Variants in ISG20 observed in about 807,000 individuals in gnomAD.
The protein encoded by ISG20 is interferon stimulated exonuclease gene 20.
ISG20 carries 8 observed loss-of-function variants against 11.1 expected under a neutral mutation model. That is an observed-to-expected ratio of 0.72 (90% CI 0.42 to 1.30). The LOEUF (loss-of-function observed/expected upper bound fraction) is 1.30, where lower values mean the gene tolerates loss of function less well. Ranked by LOEUF, ISG20 falls within the 50% of genes most tolerant of loss-of-function variation. ISG20 has a pLI of 0.01. For synonymous variants in ISG20, 110 were observed against 101.7 expected, an observed-to-expected ratio of 1.08 and a Z score of -0.49; for missense variants, 243 against 250.2, an observed-to-expected ratio of 0.97 and a Z score of 0.19.
rs533916132 is a variant in ISG20, at chr15:88,639,457, G to A, written c.91G>A (p.Val31Met). Residue 31 changes from valine (V) to methionine (M), a missense_variant, in exon 2 of 4, where the codon GTG becomes ATG. Val to Met is a conservative substitution (Grantham distance 21). Coordinates refer to ENST00000306072, the MANE Select transcript of ISG20 (RefSeq NM_002201.6). This position sits in a 1 kb window ranked among gnomAD's most constrained non-coding sequence, Gnocchi z 4.2. Reference protein sequence around the residue: ...RESGLARCSLVNVHGAVLYDK... With the variant: ...RESGLARCSLMNVHGAVLYDK... ...GAGTGGCCTGGCTCGTTGCAGCCTC[G>A]TGAACGTCCACGGTGCTGTGCTGTA... The A allele has an allele frequency of 8.7e-6, 14 of 1,614,064 alleles. No homozygotes were observed. Among genetic ancestry groups the A allele is most frequent in the Admixed American group, 8.3e-5 (5 of 60,004 alleles).
chr15:88,644,553 G>GAAAAAA (rs1304092171), intron 2 of ISG20, among the ~76,000 whole-genome samples: 1 of 101,358 alleles, frequency 9.9e-6, no homozygotes, highest in Non-Finnish European at 2.2e-5. Flanking sequence ...AAAAAGAAAA[G>GAAAAAA]ACAAAAAAAA....
At chr15:88,645,367 G>A (rs1364268284) in intron 2 of ISG20, among the ~76,000 whole-genome samples, 1 of 152,110 alleles carries the variant, frequency 6.6e-6, no homozygotes, top group Non-Finnish European at 1.5e-5. Flanking sequence ...CATGAAGAGA[G>A]AAGGGCAGAA....
At position 88,643,886 on chromosome 15, in the gene ISG20, A is replaced by C. The variant is rs2058124111; in HGVS notation, c.228+4292A>C. Among the ~76,000 whole-genome samples the C allele has an allele frequency of 6.6e-6, 1 of 152,190 alleles. No individual in the cohort carries two copies. Among genetic ancestry groups the C allele is most frequent in the Non-Finnish European group, 1.5e-5 (1 of 68,044 alleles). ...ATTATACTTACTGGTTGAGCATCCC[A>C]AATTTGAAAATCTGAAATTTGAAAT... On this transcript the variant is annotated intron_variant, in intron 2 of 3. Transcript: ENST00000306072. This position sits in a 1 kb window ranked among gnomAD's most constrained non-coding sequence, Gnocchi z 4.4.
chr15:88,650,241 T>C lies in ISG20; in HGVS notation c.229-1869T>C. On this transcript the variant is annotated intron_variant, in intron 2 of 3. Coordinates refer to ENST00000306072, the MANE Select transcript of ISG20 (RefSeq NM_002201.6). This position sits in a 1 kb window ranked among gnomAD's most constrained non-coding sequence, Gnocchi z 4.0. The stretch of plus-strand genomic sequence containing the variant: ...ACATCTGTTCTATTTTCAGGTCCCC[T>C]TCCCATCCTCTCCAACGGCAGCTGA... 1 of 1,535,666 alleles carries C rather than the reference T, an allele frequency of 6.5e-7. No individual in the cohort carries two copies. The highest frequency in any genetic ancestry group is 8.7e-7 in the Non-Finnish European group (1 of 1,146,854).
chr15:88,655,630 C>G lies in ISG20; in HGVS notation c.*99C>G. 1 of 792,282 alleles carries G rather than the reference C, an allele frequency of 1.3e-6. No individual in the cohort carries two copies. The highest frequency in any genetic ancestry group is 2.0e-6 in the Non-Finnish European group (1 of 491,546). 49.1% of individuals were successfully genotyped at this position (792,282 alleles called of 1,614,324 possible). On this transcript the variant is annotated 3_prime_UTR_variant, in exon 4 of 4. Transcript: ENST00000306072. ...AAATACATTTTTAATAGTAAAGTGG[C>G]TCTATATTTTCTCTACGCCATCACT...
chr15:88,655,294 ACT>A (rs2058355319), intron 3 of ISG20, 119 bp from the exon 4 acceptor site: 4 of 830,666 alleles, frequency 4.8e-6, no homozygotes, highest in Admixed American at 2.0e-5. Flanking sequence ...ACCTCAAGAG[ACT>A]CTCACCCACT....
In ISG20 at chr15:88,652,229, G is replaced by GTGGC; in HGVS notation, c.349_352dup (p.Arg118LeufsTer3). 1 of 1,614,062 alleles carries GTGGC rather than the reference G, an allele frequency of 6.2e-7. No homozygotes were observed. Among genetic ancestry groups the GTGGC allele is most frequent in the Admixed American group, 1.7e-5 (1 of 60,024 alleles). On this transcript the variant is annotated frameshift_variant, in exon 3 of 4. Coordinates refer to ENST00000306072, the MANE Select transcript of ISG20 (RefSeq NM_002201.6). LOFTEE classifies it high-confidence loss of function. ...ACGACACGTCCACTGACAGGCTGTT[G>GTGGC]TGGCGTGAGGCCAAGCTGGACCACT...
rs2058262375 is a variant in ISG20 at position 88,650,878 on chromosome 15, T to A, written c.229-1232T>A. On this transcript the variant is annotated intron_variant, in intron 2 of 3. Coordinates refer to ENST00000306072, the MANE Select transcript of ISG20 (RefSeq NM_002201.6). The surrounding 1 kb of genome is among the most constrained non-coding windows in gnomAD (Gnocchi z 4.0). ...CAATCTCCCTCCCAGGCTCAAGCAA[T>A]TCTCCTGCCTCAGCCTCCCGAGTAA... The A allele has an allele frequency of 6.5e-6, 1 of 152,772 alleles. No individual in the cohort carries two copies. The highest frequency in any genetic ancestry group is 6.5e-5 in the Admixed American group (1 of 15,346). 9.5% of individuals were successfully genotyped at this position (152,772 alleles called of 1,614,324 possible).
intron 3 of ISG20, among the ~76,000 whole-genome samples, chr15:88,654,787 C>T (rs1325495528): frequency 6.6e-6 from 1 of 152,164 alleles, no homozygotes; most frequent in African/African-American, 2.4e-5. Flanking sequence ...ATCGCTTCTC[C>T]CTTGAATGGA....
rs2058361630 is a variant in ISG20 at position 88,655,507 on chromosome 15, G to T, written c.522G>T (p.Leu174=). The part of the protein sequence containing the change: ...ISQRIRARRG[L]PRLAVSD ...AGAGAATCCGAGCCCGCCGAGGGCTGCCCCGCCTGGCTGTGTCAGACTGAA... is the reference window on the plus strand; with the variant it reads ...AGAGAATCCGAGCCCGCCGAGGGCTTCCCCGCCTGGCTGTGTCAGACTGAA... The change falls in exon 4 of 4, where the codon CTG becomes CTT. Residue 174 remains leucine (L), a synonymous_variant. Transcript: ENST00000306072. 9.3e-6 allele frequency: 15 copies of T among 1,613,480 alleles called. No homozygotes were observed. The highest frequency in any genetic ancestry group is 2.2e-5 in the East Asian group (1 of 44,902).
chr15:88,654,631 C>G (rs369798784), intron 3 of ISG20, among the ~76,000 whole-genome samples: 1 of 152,172 alleles, frequency 6.6e-6, no homozygotes, highest in South Asian at 2.1e-4. Flanking sequence ...CCTGTGTACT[C>G]GCCTCTGCAA....
chr15:88,641,044 G>C (rs1299582091), intron 2 of ISG20, among the ~76,000 whole-genome samples: 1 of 151,902 alleles, frequency 6.6e-6, no homozygotes, highest in Non-Finnish European at 1.5e-5. Flanking sequence ...CCAGGCTGGA[G>C]TGCAGTGACA....
intron 3 of ISG20, among the ~76,000 whole-genome samples, chr15:88,653,244 G>A (rs1442656633): frequency 1.3e-5 from 2 of 152,172 alleles, no homozygotes; most frequent in Non-Finnish European, 2.9e-5. Context: ...ACATGGTAAG[G>A]AGTGTGTGAC....
At position 88,639,244 on chromosome 15, in the gene ISG20, A is replaced by G. The variant is rs908204631; in HGVS notation, c.-24-99A>G. On this transcript the variant is annotated intron_variant, in intron 1 of 3. Coordinates refer to ENST00000306072, the MANE Select transcript of ISG20 (RefSeq NM_002201.6). This position sits in a 1 kb window ranked among gnomAD's most constrained non-coding sequence, Gnocchi z 4.2. ...TGTGGCCAGGTGGTGTCGGAAACAA[A>G]GGGCAGGGCGGAGGGTAAGGCCAGC... is the stretch of plus-strand genomic sequence containing the variant. 27 of 700,132 alleles carry G rather than the reference A, an allele frequency of 3.9e-5. No individual in the cohort carries two copies. The highest frequency in any genetic ancestry group is 6.1e-5 in the Non-Finnish European group (26 of 423,418). 43.4% of individuals were successfully genotyped at this position (700,132 alleles called of 1,614,324 possible).
At chr15:88,644,299 C>T (rs1242201184) in intron 2 of ISG20, among the ~76,000 whole-genome samples, 3 of 151,590 alleles carry the variant, frequency 2.0e-5, no homozygotes, top group South Asian at 2.1e-4. Context: ...TTTGGGAGGC[C>T]GAGGTGGGCA....
At position 88,639,279 on chromosome 15, in the gene ISG20, C is replaced by A. The variant is rs1361659133; in HGVS notation, c.-24-64C>A. ...GGAGGGTAAGGCCAGCTGGGGTTGG[C>A]TGAGGACACCTGGAGGCTTGGTTTG... On this transcript the variant is annotated intron_variant, in intron 1 of 3. Coordinates refer to ENST00000306072, the MANE Select transcript of ISG20 (RefSeq NM_002201.6). This position sits in a 1 kb window ranked among gnomAD's most constrained non-coding sequence, Gnocchi z 4.2. 4 of 1,038,198 alleles carry A rather than the reference C, an allele frequency of 3.9e-6. No homozygotes were observed. The highest frequency in any genetic ancestry group is 5.6e-6 in the Non-Finnish European group (4 of 715,952). The allele number at this position is 1,038,198 out of a possible 1,614,324, so 64.3% of individuals were successfully genotyped here. A position where few individuals can be genotyped will look rare whatever the true frequency, so the allele number is the denominator to read the frequency against.
rs775554827 is a variant in ISG20 at position 88,650,489 on chromosome 15, A to C, written c.229-1621A>C. The C allele has an allele frequency of 7.1e-7, 1 of 1,415,272 alleles. No individual in the cohort carries two copies. The allele number at this position is 1,415,272 out of a possible 1,614,324, so 87.7% of individuals were successfully genotyped here. ...GGCTTTGCCACTAACTAGCCGTGTG[A>C]CTGTCCCAGTTATCAAATGGTGCTT... On this transcript the variant is annotated intron_variant, in intron 2 of 3. Coordinates refer to ENST00000306072, the MANE Select transcript of ISG20 (RefSeq NM_002201.6). The surrounding 1 kb of genome is among the most constrained non-coding windows in gnomAD (Gnocchi z 4.0).
At chr15:88,652,660 C>T (rs915713744) in intron 3 of ISG20, among the ~76,000 whole-genome samples, 2 of 136,868 alleles carry the variant, frequency 1.5e-5, no homozygotes, top group African/African-American at 2.8e-5. Context: ...CTCATGCCCT[C>T]GCACACCTCA....
chr15:88,642,621 T>TTTG (rs34579586), intron 2 of ISG20, among the ~76,000 whole-genome samples: 67,253 of 151,732 alleles, frequency 0.44, 15,252 homozygotes, highest in Non-Finnish European at 0.48. Context: ...CACTGGATTT[T>TTTG]TTGTTGTTGT....
Sources: allele counts gnomAD v4.1 joint callset (sites outside exome capture counted in the v4.1 genomes callset), GRCh38; gene constraint gnomAD v4.1.1; non-coding constraint Gnocchi (gnomAD v3.1); transcripts MANE v1.5; gene names NCBI Gene and HGNC (gene_info 2026-07-23, HGNC 2026-07-21).